ZNF99: variants seen among roughly 807,000 people sequenced by gnomAD.
The protein encoded by ZNF99 is zinc finger protein ENSP00000375192.
A neutral mutation model predicts 12.8 loss-of-function variants in ZNF99; 8 were observed. The ratio of observed to expected loss-of-function variants is 0.62; its 90% CI spans 0.37 to 1.13. ZNF99 has a LOEUF of 1.13. Ranked by LOEUF, ZNF99 falls within the 50% of genes most tolerant of loss-of-function variation. The pLI, the probability that ZNF99 is intolerant of heterozygous loss-of-function variation, is 0.02. For synonymous variants in ZNF99, 318 were observed against 319.0 expected (o/e 1.00, Z 0.03); for missense variants, 1,007 against 1,006.2 (o/e 1.00, Z -0.01).
intron 2 of ZNF99, among the ~76,000 whole-genome samples, 166 bp from the exon 3 acceptor site, chr19:22,768,566 A>C (rs1863323718): frequency 2.0e-5 from 3 of 152,178 alleles, no homozygotes; most frequent in Admixed American, 6.5e-5. Context: ...ACAGTCCCTT[A>C]ATTTTACTAC....
At chr19:22,772,677 CAAA>C (rs554077499) in intron 1 of ZNF99, among the ~76,000 whole-genome samples, 6 of 112,854 alleles carry the variant, frequency 5.3e-5, no homozygotes, top group Admixed American at 9.4e-5. Context: ...AATTCTGTCT[CAAA>C]AAAAAAAAAA....
At chr19:22,772,496 T>C (rs1295538200) in intron 1 of ZNF99, among the ~76,000 whole-genome samples, 1 of 152,032 alleles carries the variant, frequency 6.6e-6, no homozygotes, top group Non-Finnish European at 1.5e-5. Context: ...CTGACAAACA[T>C]GGAGAAACCC....
rs1160902995 is a variant in ZNF99 at position 22,759,513 on chromosome 19, TTTA to T, written c.393_395del (p.Asn131del). ...GGGTAGTTGTCCAACATTGGTTAAG[TTTA>T]TTATAAGCTTCTTCGTGCATCTTAC... On this transcript the variant is annotated inframe_deletion, in exon 4 of 4. Coordinates refer to ENST00000596209, the MANE Select transcript of ZNF99 (RefSeq NM_001080409.3). 1.2e-6 allele frequency: 2 copies of T among 1,609,140 alleles called. No homozygotes were observed. Among genetic ancestry groups the T allele is most frequent in the Non-Finnish European group, 8.5e-7 (1 of 1,178,630 alleles).
intron 1 of ZNF99, among the ~76,000 whole-genome samples, chr19:22,779,501 A>G (rs4617979): frequency 0.19 from 29,321 of 152,064 alleles, 3,769 homozygotes; most frequent in African/African-American, 0.37. Flanking sequence ...CTCCAGCCTC[A>G]GCAACAGAGT....
In ZNF99 at chr19:22,759,054, A is replaced by C; in HGVS notation, c.855T>G (p.Tyr285Ter). ...HKIIHTGKKPYKCEECGKAFK... is the reference protein window; with the variant it reads ...HKIIHTGKKP ...AAGCTTTGCCACATTCTTCACATTTATATGGTTTCTTCCCAGTATGAATTA... is the reference window on the plus strand; with the variant it reads ...AAGCTTTGCCACATTCTTCACATTTCTATGGTTTCTTCCCAGTATGAATTA... Residue 285 changes from tyrosine (Y) to a stop codon, truncating the protein, a stop_gained, in exon 4 of 4, where the codon TAT becomes TAG. Transcript: ENST00000596209. LOFTEE classifies it low-confidence loss of function (END_TRUNC). 6.2e-7 allele frequency: 1 copy of C among 1,612,182 alleles called. No individual in the cohort carries two copies. The highest frequency in any genetic ancestry group is 8.5e-7 in the Non-Finnish European group (1 of 1,179,432).
chr19:22,758,592 G>T lies in ZNF99; in HGVS notation c.1317C>A (p.Ala439=). The change falls in exon 4 of 4, where the codon GCC becomes GCA. Residue 439 remains alanine, a synonymous_variant. Coordinates refer to ENST00000596209, the MANE Select transcript of ZNF99 (RefSeq NM_001080409.3). ...ECGKAFKRFS[A]LRKHKIIHTG... ...TATGAATTATCTTATGTTTTCTAAG[G>T]GCTGAGAAACGCTTAAAAGCTTTGC... The T allele has an allele frequency of 6.2e-7, 1 of 1,612,410 alleles. No homozygotes were observed. Among genetic ancestry groups the T allele is most frequent in the Non-Finnish European group, 8.5e-7 (1 of 1,179,530 alleles).
Position 22,756,580 on chromosome 19 carries a change from TG to T in ZNF99, c.*733del. 1 of 1,598,516 alleles carries T rather than the reference TG, an allele frequency of 6.3e-7. No individual in the cohort carries two copies. The highest frequency in any genetic ancestry group is 2.3e-5 in the East Asian group (1 of 44,302). ...ATGAATTGATTTATGTTTAGTAAGG[TG>T]TGAGGATTGCTTAAAAGCTTTGCCA... On this transcript the variant is annotated 3_prime_UTR_variant, in exon 4 of 4. Coordinates refer to ENST00000596209, the MANE Select transcript of ZNF99 (RefSeq NM_001080409.3).
At chr19:22,773,204 G>T (rs146262915) in intron 1 of ZNF99, among the ~76,000 whole-genome samples, 1 of 152,314 alleles carries the variant, frequency 6.6e-6, no homozygotes, top group East Asian at 1.9e-4. Context: ...GCCTGAGAGG[G>T]AAAGTTTCCT....
At chr19:22,781,518 A>G (rs1053536083) in intron 1 of ZNF99, among the ~76,000 whole-genome samples, 7 of 148,852 alleles carry the variant, frequency 4.7e-5, no homozygotes, top group African/African-American at 1.7e-4. Context: ...CTGCTCCCTT[A>G]AAGAATGCAG....
chr19:22,754,436 T>A lies in ZNF99; in HGVS notation c.*2878A>T, dbSNP rs62119143. The A allele has an allele frequency of 9.9e-6, 4 of 403,186 alleles. No homozygotes were observed. Among genetic ancestry groups the A allele is most frequent in the African/African-American group, 6.3e-5 (3 of 47,380 alleles). 25.0% of individuals were successfully genotyped at this position (403,186 alleles called of 1,614,324 possible). ...TTTCTCTACAACATAAATTATCTTA[T>A]GTGTAATAAGGGTTGAAATGTTTTT... is the stretch of plus-strand genomic sequence containing the variant. On this transcript the variant is annotated 3_prime_UTR_variant, in exon 4 of 4. Transcript: ENST00000596209.
rs368389608 is a variant in ZNF99, at chr19:22,758,471, G to T, written c.1438C>A (p.Pro480Thr). Residue 480 changes from proline to threonine, a missense_variant, in exon 4 of 4, where the codon CCC becomes ACC. Physicochemically the swap from Pro to Thr is conservative, Grantham distance 38. Coordinates refer to ENST00000596209, the MANE Select transcript of ZNF99 (RefSeq NM_001080409.3). ...KHEIIHTGEK[P>T]YKCEECGKAF... ...TTACCACATTCTTCACATTTGTAGG[G>T]TTTCTCTCCAGTATGAATTATCTCA... 49 of 1,613,072 alleles carry T rather than the reference G, an allele frequency of 3.0e-5. No homozygotes were observed. The highest frequency in any genetic ancestry group is 3.3e-4 in the Middle Eastern group (2 of 6,074).
In ZNF99 at chr19:22,758,432, A is replaced by T; in HGVS notation, c.1477T>A (p.Ser493Thr). The T allele has an allele frequency of 6.2e-7, 1 of 1,612,778 alleles. No individual in the cohort carries two copies. Among genetic ancestry groups the T allele is most frequent in the Non-Finnish European group, 8.5e-7 (1 of 1,179,582 alleles). ...ACCTTATGTACAGTAAGTTTTGAGG[A>T]CCACTTAAAAGCTTTACCACATTCT... ...CEECGKAFKW[S>T]SKLTVHKVIH... is the part of the protein sequence containing the mutation. The change falls in exon 4 of 4, where the codon TCC (serine) becomes ACC (threonine). Residue 493 changes from serine (S) to threonine (T), a missense_variant. Transcript: ENST00000596209.
intron 1 of ZNF99, among the ~76,000 whole-genome samples, chr19:22,775,574 T>C (rs1229115795): frequency 1.3e-5 from 2 of 148,504 alleles, no homozygotes; most frequent in Non-Finnish European, 3.0e-5. Context: ...CTAATTAAAT[T>C]AAATATCTTC....
chr19:22,770,095 A>G (rs942185208), intron 1 of ZNF99: 1 of 1,072,898 alleles, frequency 9.3e-7, no homozygotes, highest in East Asian at 6.6e-5. Flanking sequence ...GAATTTGACA[A>G]GCTCACCAGT....
chr19:22,768,286 T>C lies in ZNF99; in HGVS notation c.226+19A>G. 3 of 1,613,236 alleles carry C rather than the reference T, an allele frequency of 1.9e-6. No individual in the cohort carries two copies. The highest frequency in any genetic ancestry group is 2.5e-6 in the Non-Finnish European group (3 of 1,179,270). Reference sequence around the variant, plus strand: ...TGGACCTCTTATTTGTGTTGTTTCTTGTATTCACTCTCACATACCTGGGGG... The same window carrying C: ...TGGACCTCTTATTTGTGTTGTTTCTCGTATTCACTCTCACATACCTGGGGG... On this transcript the variant is annotated intron_variant, in intron 3 of 3. Coordinates refer to ENST00000596209, the MANE Select transcript of ZNF99 (RefSeq NM_001080409.3).
chr19:22,764,212 CTCT>C (rs1429162269), intron 3 of ZNF99, among the ~76,000 whole-genome samples: 5 of 151,984 alleles, frequency 3.3e-5, no homozygotes, highest in Non-Finnish European at 5.9e-5. Context: ...TGGCCAGGGA[CTCT>C]TTTCAACAAA....
Position 22,755,411 on chromosome 19 carries a change from G to C in ZNF99, c.*1903C>G, listed in dbSNP as rs946105607. 6.7e-6 allele frequency: 2 copies of C among 300,448 alleles called. No individual in the cohort carries two copies. Among genetic ancestry groups the C allele is most frequent in the Non-Finnish European group, 1.4e-5 (2 of 146,512 alleles). 18.6% of individuals were successfully genotyped at this position (300,448 alleles called of 1,614,324 possible). The stretch of plus-strand genomic sequence containing the variant: ...GTATGAATTATCTTATGTTCAGTAA[G>C]GTTTGAGGACCAGTTAAAAGTTTTG... On this transcript the variant is annotated 3_prime_UTR_variant, in exon 4 of 4. Coordinates refer to ENST00000596209, the MANE Select transcript of ZNF99 (RefSeq NM_001080409.3).
chr19:22,762,216 A>C lies in ZNF99; in HGVS notation c.227-2534T>G, dbSNP rs564294078. Among the ~76,000 whole-genome samples the C allele has an allele frequency of 2.3e-3, 357 of 152,218 alleles. 1 individual carries two copies. Among genetic ancestry groups the C allele is most frequent in the African/African-American group, 8.2e-3 (342 of 41,552 alleles). On this transcript the variant is annotated intron_variant, in intron 3 of 3. Transcript: ENST00000596209. The stretch of plus-strand genomic sequence containing the variant: ...TAAAACAAAAACCTGGCTCTTTAAA[A>C]CGCATAAATACAATTGATAGACCAT...
rs770435879 is a variant in ZNF99 at position 22,784,042 on chromosome 19, G to A, written c.-26C>T. On this transcript the variant is annotated 5_prime_UTR_variant, in exon 1 of 4. In the 5' UTR this introduces an upstream ATG that the reference lacks. Transcript: ENST00000596209. ...TTCTAAGCTTCCAGGGGGTCCTGGC[G>A]TCCTAGCTGTGGATCTCCAAATACC... The A allele has an allele frequency of 2.4e-5, 38 of 1,613,228 alleles. No homozygotes were observed. The highest frequency in any genetic ancestry group is 3.1e-5 in the Non-Finnish European group (36 of 1,179,734).
Sources: allele counts gnomAD v4.1 joint callset (sites outside exome capture counted in the v4.1 genomes callset), GRCh38; gene constraint gnomAD v4.1.1; transcripts MANE v1.5; gene names NCBI Gene and HGNC (gene_info 2026-07-23, HGNC 2026-07-21).